The following CBL variants were observed in gnomAD, a reference collection of about 807,000 sequenced individuals.
CBL encodes the protein Cbl proto-oncogene, also known as E3 ubiquitin-protein ligase CBL.
In CBL, 45 loss-of-function variants were observed where a neutral mutation model predicts 96.9. That is an observed-to-expected ratio of 0.46 (90% confidence interval 0.37 to 0.60). The LOEUF (loss-of-function observed/expected upper bound fraction) is 0.60, where lower values mean the gene tolerates loss of function less well. CBL is among the 20% of genes least tolerant of loss of function. The pLI, the probability that CBL is intolerant of heterozygous loss-of-function variation, is 0.00. For missense variants in CBL, 1,024 were observed against 1,143.5 expected (o/e 0.90, Z 1.51); for synonymous variants, 420 against 426.8 (o/e 0.98, Z 0.20).
intron 6 of CBL, among the ~76,000 whole-genome samples, chr11:119,277,346 T>G (rs1037022123): frequency 6.6e-6 from 1 of 152,104 alleles, no homozygotes; most frequent in Non-Finnish European, 1.5e-5. Flanking sequence ...GCCACCTGTT[T>G]GTTCCCCCGG....
In CBL at chr11:119,274,810, G is replaced by A. The variant is rs760458457; in HGVS notation, c.748-22G>A. On this transcript the variant is annotated intron_variant, in intron 4 of 15. Coordinates refer to ENST00000264033, the MANE Select transcript of CBL (RefSeq NM_005188.4). ...GTTGTACATCTGACCTGAATAGTCT[G>A]TGATTGATCTTGTTTCTTTAGCCCT... 7 of 1,607,072 alleles carry A rather than the reference G, an allele frequency of 4.4e-6. No individual in the cohort carries two copies. The Admixed American group carries it at 8.4e-5, about 19-fold the overall frequency.
intron 2 of CBL, among the ~76,000 whole-genome samples, chr11:119,241,617 A>G (rs1241230687): frequency 6.6e-6 from 1 of 152,188 alleles, no homozygotes; most frequent in African/African-American, 2.4e-5. Flanking sequence ...TGCAGCTATA[A>G]TCTTTTCCTA....
chr11:119,299,937 G>A lies in CBL; in HGVS notation c.*156G>A, dbSNP rs1950090395. 1 of 781,614 alleles carries A rather than the reference G, an allele frequency of 1.3e-6. No homozygotes were observed. The highest frequency in any genetic ancestry group is 2.2e-6 in the Non-Finnish European group (1 of 452,038). 48.4% of individuals were successfully genotyped at this position (781,614 alleles called of 1,614,324 possible). On this transcript the variant is annotated 3_prime_UTR_variant, in exon 16 of 16. Coordinates refer to ENST00000264033, the MANE Select transcript of CBL (RefSeq NM_005188.4). ...TCAGTGGTTCCAAGATTTCAAAGTG[G>A]TGAAATGAAAATGGAGCAGCTAGTA...
chr11:119,292,899 C>T (rs982734701), intron 12 of CBL, among the ~76,000 whole-genome samples: 35 of 152,110 alleles, frequency 2.3e-4, no homozygotes, highest in African/African-American at 7.7e-4. Context: ...CCAGTAAACC[C>T]ATTGTAAATT....
chr11:119,274,058 C>G (rs367932635), intron 4 of CBL, 34 bp downstream of exon 4: 16 of 1,505,662 alleles, frequency 1.1e-5, no homozygotes, highest in Non-Finnish European at 1.5e-5. Flanking sequence ...AAACTGGTTA[C>G]TGCTACTTCG....
chr11:119,305,344 A>C lies in CBL; in HGVS notation c.*5563A>C, dbSNP rs1950127287. On this transcript the variant is annotated 3_prime_UTR_variant, in exon 16 of 16. Transcript: ENST00000264033. ...GGGTAGCCTTCCTTAGCCTCCATTC[A>C]GCCTCAGGTCTTTTGCCTTCTTCCG... 1 of 231,936 alleles carries C rather than the reference A, an allele frequency of 4.3e-6. No homozygotes were observed. The highest frequency in any genetic ancestry group is 1.8e-4 in the South Asian group (1 of 5,520). 14.4% of individuals were successfully genotyped at this position (231,936 alleles called of 1,614,324 possible).
At chr11:119,251,163 C>T (rs1257986573) in intron 2 of CBL, among the ~76,000 whole-genome samples, 2 of 152,154 alleles carry the variant, frequency 1.3e-5, no homozygotes, top group African/African-American at 4.8e-5. Context: ...TCCTTCTTCC[C>T]TTACTCCCTA....
chr11:119,292,775 G>C (rs1390993339), intron 12 of CBL, among the ~76,000 whole-genome samples: 1 of 152,130 alleles, frequency 6.6e-6, no homozygotes, highest in Non-Finnish European at 1.5e-5. Context: ...GACTATAGAT[G>C]TGTGCCACCA....
In CBL at chr11:119,300,159, T is replaced by A; in HGVS notation, c.*378T>A. ...GGATGTGGCCGTGTGTGTGTGTGTC[T>A]GCCTGTGGTTGTATGTGTCCTTGTG... On this transcript the variant is annotated 3_prime_UTR_variant, in exon 16 of 16. Transcript: ENST00000264033. 1.9e-6 allele frequency: 1 copy of A among 518,066 alleles called. No homozygotes were observed. Among genetic ancestry groups the A allele is most frequent in the African/African-American group, 1.9e-5 (1 of 52,888 alleles). 32.1% of individuals were successfully genotyped at this position (518,066 alleles called of 1,614,324 possible).
rs1321243432 is a variant in CBL at position 119,226,199 on chromosome 11, A to T, written c.196-6249A>T. 2.6e-5 allele frequency among the ~76,000 whole-genome samples: 4 copies of T among 152,100 alleles called. No homozygotes were observed. In the South Asian group the frequency reaches 8.3e-4, roughly 32 times the overall value. On this transcript the variant is annotated intron_variant, in intron 1 of 15. Transcript: ENST00000264033. Reference sequence around the variant, plus strand: ...GCAGGACTGGGACAGTAGTTGTGTTATGGGCCCAAATGATAGGACTAATGC... The same window carrying T: ...GCAGGACTGGGACAGTAGTTGTGTTTTGGGCCCAAATGATAGGACTAATGC...
chr11:119,269,096 C>T (rs996933698), intron 2 of CBL, among the ~76,000 whole-genome samples: 8 of 152,080 alleles, frequency 5.3e-5, no homozygotes, highest in East Asian at 3.8e-4. Flanking sequence ...GTTTCTTTCA[C>T]GTTACCTATT....
chr11:119,226,406 G>T (rs1433726167), intron 1 of CBL, among the ~76,000 whole-genome samples: 1 of 152,082 alleles, frequency 6.6e-6, no homozygotes, highest in Non-Finnish European at 1.5e-5. Flanking sequence ...ATTTTATTAT[G>T]AGGCATTATC....
In CBL at chr11:119,219,233, G is replaced by A. The variant is rs183569926; in HGVS notation, c.195+12621G>A. Among the ~76,000 whole-genome samples, 5 of 152,060 alleles carry A rather than the reference G, an allele frequency of 3.3e-5. No individual in the cohort carries two copies. The East Asian group carries it at 9.7e-4, about 29-fold the overall frequency. On this transcript the variant is annotated intron_variant, in intron 1 of 15. Coordinates refer to ENST00000264033, the MANE Select transcript of CBL (RefSeq NM_005188.4). The stretch of plus-strand genomic sequence containing the variant: ...TCTCTACTAAAAAATACAAAAATTA[G>A]CCAGGTATGGAGGCGGGCTCCTGTA...
At chr11:119,235,712 G>A (rs1403319588) in intron 2 of CBL, among the ~76,000 whole-genome samples, 1 of 152,182 alleles carries the variant, frequency 6.6e-6, no homozygotes, top group Non-Finnish European at 1.5e-5. Context: ...TTAAACCCAT[G>A]TTGTTAAGGC....
At chr11:119,236,649 ATATGGTAATTCTGTGTTCAACT>A (rs1205602946) in intron 2 of CBL, among the ~76,000 whole-genome samples, 7 of 150,036 alleles carry the variant, frequency 4.7e-5, no homozygotes, top group Non-Finnish European at 8.9e-5. Context: ...TTGCTGAGTC[ATATGGTAATTCTGTGTTCAACT>A]TTTGAGTAAC....
chr11:119,234,275 G>T (rs1007916854), intron 2 of CBL, among the ~76,000 whole-genome samples: 3 of 152,100 alleles, frequency 2.0e-5, no homozygotes, highest in African/African-American at 4.8e-5. Flanking sequence ...CAAAGTGTTG[G>T]GATTACAGTT....
intron 9 of CBL, among the ~76,000 whole-genome samples, chr11:119,283,315 A>G (rs1949952512): frequency 6.6e-6 from 1 of 152,202 alleles, no homozygotes. Context: ...AAGCATGTGG[A>G]TAAAGCAAAG....
chr11:119,224,543 C>T (rs192552648), intron 1 of CBL, among the ~76,000 whole-genome samples: 1 of 152,294 alleles, frequency 6.6e-6, no homozygotes, highest in Non-Finnish European at 1.5e-5. Context: ...TGTATTATAT[C>T]ATGTGTTCTT....
chr11:119,277,169 T>C (rs1028095829), intron 6 of CBL, among the ~76,000 whole-genome samples: 9 of 150,644 alleles, frequency 6.0e-5, no homozygotes, highest in African/African-American at 2.2e-4. Flanking sequence ...ATCACTTGAA[T>C]CCAGGAGGCG....
Sources: gnomAD v4.1 joint callset for allele counts (sites outside exome capture counted in the v4.1 genomes callset) on GRCh38, gnomAD v4.1.1 for gene constraint, MANE v1.5 for transcripts, NCBI Gene and HGNC (gene_info 2026-07-23, HGNC 2026-07-21) for gene names.